Variants in KCNMB2 observed in about 807,000 individuals in gnomAD.
KCNMB2 encodes potassium calcium-activated channel subfamily M regulatory beta subunit 2.
In KCNMB2, 9 loss-of-function variants were observed where a neutral mutation model predicts 24.5. The observed-to-expected ratio is 0.37, with a 90% CI of 0.22 to 0.64. The LOEUF is 0.64. Ranked by LOEUF, KCNMB2 falls within the 30% of genes least tolerant of loss-of-function variation. The pLI is 0.63. For synonymous variants in KCNMB2, 109 were observed against 104.4 expected (o/e 1.04, Z -0.27); for missense variants, 226 against 284.3 (o/e 0.79, Z 1.47).
At chr3:178,809,124 T>G (rs907484235) in intron 2 of KCNMB2, among the ~76,000 whole-genome samples, 1 of 152,198 alleles carries the variant, frequency 6.6e-6, no homozygotes, top group Non-Finnish European at 1.5e-5. Flanking sequence ...CTATAAAATT[T>G]CATATGTCAT....
chr3:178,759,554 T>G (rs1354126949), intron 1 of KCNMB2, among the ~76,000 whole-genome samples: 1 of 131,628 alleles, frequency 7.6e-6, no homozygotes, highest in African/African-American at 2.9e-5. Context: ...TCCAAGAGGA[T>G]ATATATATCT....
intron 1 of KCNMB2, among the ~76,000 whole-genome samples, chr3:178,568,898 A>G (rs4857777): frequency 1.0e-4 from 12 of 116,932 alleles, no homozygotes; most frequent in South Asian, 2.5e-4. Flanking sequence ...ATAGATAGAT[A>G]GATGGATAGA....
At chr3:178,778,855 G>C (rs1712706753) in intron 1 of KCNMB2, among the ~76,000 whole-genome samples, 1 of 152,190 alleles carries the variant, frequency 6.6e-6, no homozygotes, top group Non-Finnish European at 1.5e-5. Flanking sequence ...ATTTCAGCTG[G>C]AGTGTCAAGA....
chr3:178,669,498 G>T (rs931123394), intron 1 of KCNMB2, among the ~76,000 whole-genome samples: 1 of 152,066 alleles, frequency 6.6e-6, no homozygotes, highest in African/African-American at 2.4e-5. Flanking sequence ...TGTAGGGGTG[G>T]AGTTTAGTCA....
intron 1 of KCNMB2, among the ~76,000 whole-genome samples, chr3:178,581,879 G>A (rs1717219969): frequency 6.6e-6 from 1 of 152,230 alleles, no homozygotes; most frequent in African/African-American, 2.4e-5. Context: ...AGATGCTGGA[G>A]AGGATGTGGA....
intron 1 of KCNMB2, among the ~76,000 whole-genome samples, chr3:178,746,776 C>A (rs1279123326): frequency 6.6e-6 from 1 of 152,192 alleles, no homozygotes; most frequent in Non-Finnish European, 1.5e-5. Context: ...CAAAATGCCA[C>A]CAGTCTCTTT....
At chr3:178,635,285 T>C (rs1404899554) in intron 1 of KCNMB2, among the ~76,000 whole-genome samples, 2 of 152,152 alleles carry the variant, frequency 1.3e-5, no homozygotes, top group African/African-American at 4.8e-5. Flanking sequence ...TGCTGATTTA[T>C]TTTCTTCCTT....
intron 4 of KCNMB2, among the ~76,000 whole-genome samples, chr3:178,838,320 T>C (rs1715305425): frequency 6.6e-6 from 1 of 152,180 alleles, no homozygotes; most frequent in South Asian, 2.1e-4. Flanking sequence ...AATTCTGCTT[T>C]CTTGGTGATA....
At chr3:178,799,628 A>G (rs1471027542) in intron 1 of KCNMB2, among the ~76,000 whole-genome samples, 2 of 152,196 alleles carry the variant, frequency 1.3e-5, no homozygotes, top group African/African-American at 2.4e-5. Context: ...ATTCAATGCA[A>G]TCCCTATCAA....
At chr3:178,763,030 A>G (rs909841873) in intron 1 of KCNMB2, among the ~76,000 whole-genome samples, 4 of 152,126 alleles carry the variant, frequency 2.6e-5, no homozygotes, top group Non-Finnish European at 5.9e-5. Context: ...TCACTTAGCG[A>G]TAGATGATAA....
chr3:178,764,289 A>G (rs1712028996), intron 1 of KCNMB2, among the ~76,000 whole-genome samples: 1 of 152,234 alleles, frequency 6.6e-6, no homozygotes, highest in South Asian at 2.1e-4. Context: ...TCTTAATACC[A>G]TACCATTACA....
chr3:178,705,685 G>C (rs73047893), intron 1 of KCNMB2, among the ~76,000 whole-genome samples: 1 of 152,086 alleles, frequency 6.6e-6, no homozygotes, highest in African/African-American at 2.4e-5. Context: ...TTGTCTGTAA[G>C]AGCCTTTTCT....
chr3:178,818,437 C>A (rs1042049897), intron 2 of KCNMB2, among the ~76,000 whole-genome samples: 1 of 152,176 alleles, frequency 6.6e-6, no homozygotes, highest in African/African-American at 2.4e-5. Context: ...CCACTCTCCC[C>A]CAACACGCCC....
At chr3:178,825,533 A>C (rs1291563213) in intron 2 of KCNMB2, 55 bp from the exon 3 acceptor site, 1 of 1,488,670 alleles carries the variant, frequency 6.7e-7, no homozygotes, top group Non-Finnish European at 9.3e-7. Flanking sequence ...CCTGCTCTCT[A>C]GGGGCATGCT....
intron 1 of KCNMB2, among the ~76,000 whole-genome samples, chr3:178,541,142 T>C (rs35996842): frequency 6.6e-6 from 1 of 152,082 alleles, no homozygotes; most frequent in East Asian, 1.9e-4. Context: ...AGGAAATTTA[T>C]CAAGATGGTT....
At chr3:178,647,320 T>C (rs1336875480) in intron 1 of KCNMB2, among the ~76,000 whole-genome samples, 1 of 152,200 alleles carries the variant, frequency 6.6e-6, no homozygotes, top group Non-Finnish European at 1.5e-5. Context: ...TGTGCTTTTT[T>C]CCATATTTCT....
Position 178,563,801 on chromosome 3 carries a change from G to A in KCNMB2, c.-68+27090G>A, listed in dbSNP as rs116412853. ...GAGAGCATAGGCGTAGTGATGAGGA[G>A]CTTCAGAATTTAGGATCTGCAATCT... On this transcript the variant is annotated intron_variant, in intron 1 of 4. Transcript: ENST00000452583. Among the ~76,000 whole-genome samples the A allele has an allele frequency of 8.3e-3, 1,268 of 152,270 alleles. 8 individuals carry two copies. Among genetic ancestry groups the A allele is most frequent in the Non-Finnish European group, 0.013 (856 of 68,024 alleles).
intron 1 of KCNMB2, among the ~76,000 whole-genome samples, chr3:178,630,818 C>T (rs1202838923): frequency 2.6e-5 from 4 of 152,164 alleles, no homozygotes; most frequent in Admixed American, 1.3e-4. Flanking sequence ...CAAAATGTTT[C>T]ATTCACTAGT....
At position 178,572,742 on chromosome 3, in the gene KCNMB2, C is replaced by T. The variant is rs2108479332; in HGVS notation, c.-68+36031C>T. 2.0e-5 allele frequency among the ~76,000 whole-genome samples: 3 copies of T among 152,216 alleles called. No homozygotes were observed. The South Asian group carries it at 6.2e-4, about 32-fold the overall frequency. ...TGACATTATTCATCCAGACTCAGTC[C>T]TCAGAACACCACTTACATAGGAAGA... On this transcript the variant is annotated intron_variant, in intron 1 of 4. Transcript: ENST00000452583.
Sources: gnomAD v4.1 joint callset for allele counts (sites outside exome capture counted in the v4.1 genomes callset) on GRCh38, gnomAD v4.1.1 for gene constraint, MANE v1.5 for transcripts, NCBI Gene and HGNC (gene_info 2026-07-23, HGNC 2026-07-21) for gene names.